Variants in ALPK3 observed in about 807,000 individuals in gnomAD.
The protein encoded by ALPK3 is alpha-protein kinase 3.
In ALPK3, 102 loss-of-function variants were observed where a neutral mutation model predicts 140.0. The observed-to-expected ratio is 0.73, with a 90% CI of 0.62 to 0.86. The LOEUF is 0.86. Ranked by LOEUF, ALPK3 falls within the 40% of genes least tolerant of loss-of-function variation. The probability of loss-of-function intolerance (pLI) is 0.00; values close to 1 mark genes in which losing one functional copy is unlikely to be tolerated. For missense variants in ALPK3, 2,254 were observed against 2,208.2 expected (o/e 1.02, Z -0.42); for synonymous variants, 938 against 898.5 (o/e 1.04, Z -0.79).
At position 84,840,352 on chromosome 15, in the gene ALPK3, AG is replaced by A; in HGVS notation, c.1077del (p.Val361TrpfsTer55). 6 of 1,613,640 alleles carry A rather than the reference AG, an allele frequency of 3.7e-6. No homozygotes were observed. The highest frequency in any genetic ancestry group is 5.1e-6 in the Non-Finnish European group (6 of 1,179,832). On this transcript the variant is annotated frameshift_variant, in exon 5 of 14. Coordinates refer to ENST00000258888, the MANE Select transcript of ALPK3 (RefSeq NM_020778.5). LOFTEE classifies it high-confidence loss of function. ...SSDEPDSCGTQGPVGVEQVQT... is the reference protein window; with the variant it reads ...SSDEPDSCGTXGPVGVEQVQT... ...GACGAGCCTGACTCCTGTGGGACTC[AG>A]GGGCCCGTGGGCGTGGAGCAGGTTC...
In ALPK3 at chr15:84,827,572, G is replaced by A. The variant is rs144797313; in HGVS notation, c.271G>A (p.Asp91Asn). The A allele has an allele frequency of 1.2e-6, 2 of 1,614,196 alleles. No individual in the cohort carries two copies. Among genetic ancestry groups the A allele is most frequent in the Non-Finnish European group, 1.7e-6 (2 of 1,180,044 alleles). ...GCTCAAGTCCCGGTCTGTGTCCGAG[G>A]ACAGCGACGTCAGGTTCACCTGCAT... ...TTLKSRSVSE[D>N]SDVRFTCIVT... is the part of the protein sequence containing the mutation. Residue 91 changes from aspartate to asparagine, a missense_variant, in exon 3 of 14, where the codon GAC becomes AAC. Physicochemically the swap from Asp to Asn is conservative, Grantham distance 23 (BLOSUM62 1). This residue lies in a region of ALPK3 where 2,088 missense variants were observed against 2,022.9 expected (regional missense o/e 1.03). Coordinates refer to ENST00000258888, the MANE Select transcript of ALPK3 (RefSeq NM_020778.5).
At chr15:84,867,482 A>G in intron 13 of ALPK3, 117 bp downstream of exon 13, 3 of 1,164,776 alleles carry the variant, frequency 2.6e-6, no homozygotes, top group Non-Finnish European at 3.8e-6. Context: ...GTGGTCCCAG[A>G]CACACCCATG....
In ALPK3 at chr15:84,825,333, C is replaced by T. The variant is rs530784642; in HGVS notation, c.182+1965C>T. On this transcript the variant is annotated intron_variant, in intron 2 of 13. Coordinates refer to ENST00000258888, the MANE Select transcript of ALPK3 (RefSeq NM_020778.5). ...CTGGGACTACAGGCGCCTGCCACCA[C>T]GCCTGGCTAATTTTTGTATTTTTAG... Among the ~76,000 whole-genome samples the T allele has an allele frequency of 9.9e-5, 15 of 152,080 alleles. No individual in the cohort carries two copies. The East Asian group carries it at 1.4e-3, about 14-fold the overall frequency.
At chr15:84,827,137 C>T (rs544559876) in intron 2 of ALPK3, among the ~76,000 whole-genome samples, 17 of 152,332 alleles carry the variant, frequency 1.1e-4, no homozygotes, top group Admixed American at 9.1e-4. Context: ...CTCCCTCATG[C>T]ACCAGTGTCC....
chr15:84,833,503 A>T (rs577376822), intron 3 of ALPK3, among the ~76,000 whole-genome samples: 2 of 152,324 alleles, frequency 1.3e-5, no homozygotes, highest in South Asian at 4.1e-4. Flanking sequence ...TGGAAGGTGG[A>T]TGGATCTCTG....
rs117685335 is a variant in ALPK3 at position 84,829,874 on chromosome 15, A to C, written c.304+2269A>C. 3.3e-5 allele frequency among the ~76,000 whole-genome samples: 5 copies of C among 152,296 alleles called. No individual in the cohort carries two copies. The East Asian group carries it at 9.6e-4, about 29-fold the overall frequency. On this transcript the variant is annotated intron_variant, in intron 3 of 13. Coordinates refer to ENST00000258888, the MANE Select transcript of ALPK3 (RefSeq NM_020778.5). ...GCTCATGCTGGGGCTTATTGTGTTG[A>C]CTGTATAGTCCGGATGGTTGCTGTG...
Position 84,869,685 on chromosome 15 carries a change from T to C in ALPK3, c.*1229T>C, listed in dbSNP as rs1241961599. On this transcript the variant is annotated 3_prime_UTR_variant, in exon 14 of 14. Coordinates refer to ENST00000258888, the MANE Select transcript of ALPK3 (RefSeq NM_020778.5). ...GAGCATCCCTCCTGGAGGCCTGGGA[T>C]GGGGTAGGTCTGCAGCTAGCCTACT... 9 of 152,664 alleles carry C rather than the reference T, an allele frequency of 5.9e-5. No individual in the cohort carries two copies. Among genetic ancestry groups the C allele is most frequent in the Admixed American group, 5.9e-4 (9 of 15,286 alleles). 9.5% of individuals were successfully genotyped at this position (152,664 alleles called of 1,614,324 possible).
At chr15:84,826,062 C>T (rs1425475608) in intron 2 of ALPK3, among the ~76,000 whole-genome samples, 2 of 152,132 alleles carry the variant, frequency 1.3e-5, no homozygotes, top group Admixed American at 1.3e-4. Flanking sequence ...CTTGTCAACT[C>T]CATGAATGCC....
rs71453270 is a variant in ALPK3 at position 84,833,957 on chromosome 15, TTGTG to T, written c.305-4995_305-4992del. On this transcript the variant is annotated intron_variant, in intron 3 of 13. Coordinates refer to ENST00000258888, the MANE Select transcript of ALPK3 (RefSeq NM_020778.5). ...CCTCAGCTCTGTTGTAGATTCTGTGTTGTGTGTGTGTGTGTGTGTGTGTGTGTGT... is the reference window on the plus strand; with the variant it reads ...CCTCAGCTCTGTTGTAGATTCTGTGTTGTGTGTGTGTGTGTGTGTGTGTGT... Among the ~76,000 whole-genome samples the T allele has an allele frequency of 4.8e-4, 71 of 147,318 alleles. 1 individual carries two copies. Among genetic ancestry groups the T allele is most frequent in the Admixed American group, 2.4e-3 (36 of 14,840 alleles).
Position 84,840,906 on chromosome 15 carries a change from C to A in ALPK3, c.1627C>A (p.Gln543Lys), listed in dbSNP as rs754240880. The A allele has an allele frequency of 1.2e-6, 2 of 1,607,468 alleles. No individual in the cohort carries two copies. Among genetic ancestry groups the A allele is most frequent in the Admixed American group, 3.4e-5 (2 of 58,758 alleles). The change falls in exon 5 of 14, where the codon CAA (glutamine) becomes AAA (lysine). Residue 543 changes from glutamine to lysine, a missense_variant. By Grantham distance (53) the Gln-to-Lys change is moderately conservative. Transcript: ENST00000258888. ...CACCCGGGACAGCACGTTGCAGGGG[C>A]AAGCAGGCCACAGGACTCCAGGAGA... ...HGTRDSTLQG[Q>K]AGHRTPGEVL...
At chr15:84,840,991 C>G in intron 5 of ALPK3, 59 bp downstream of exon 5, 1 of 1,491,134 alleles carries the variant, frequency 6.7e-7, no homozygotes, top group Admixed American at 2.4e-5. Context: ...CATGGAAACT[C>G]TTGCTGCAAC....
chr15:84,820,426 C>T (rs1289582727), intron 1 of ALPK3, among the ~76,000 whole-genome samples: 1 of 152,120 alleles, frequency 6.6e-6, no homozygotes, highest in Non-Finnish European at 1.5e-5. Flanking sequence ...CCCCAGCTTT[C>T]GTGGTCAGTT....
intron 1 of ALPK3, among the ~76,000 whole-genome samples, chr15:84,819,609 G>A (rs2141543637): frequency 6.6e-6 from 1 of 152,344 alleles, no homozygotes; most frequent in Non-Finnish European, 1.5e-5. Context: ...CTGCCTGTGG[G>A]GGTGGGGAGA....
chr15:84,841,860 T>C (rs992692936), intron 5 of ALPK3, among the ~76,000 whole-genome samples: 1 of 152,178 alleles, frequency 6.6e-6, no homozygotes, highest in African/African-American at 2.4e-5. Context: ...GAGTGTTTTA[T>C]AGTGGGACAG....
In ALPK3 at chr15:84,862,886, G is replaced by C. The variant is rs143835594; in HGVS notation, c.4381G>C (p.Val1461Leu). The C allele has an allele frequency of 1.6e-5, 26 of 1,614,066 alleles. No individual in the cohort carries two copies. In the African/African-American group the frequency reaches 3.3e-4, roughly 21 times the overall value. ...VFGPSSETSL[V>L]GRNYDVTIQG... is the part of the protein sequence containing the mutation. ...TGGGCCCAGCAGTGAGACTTCTCTTGTGGGCAGAAACTACGACGTCACCAT... is the reference window on the plus strand; with the variant it reads ...TGGGCCCAGCAGTGAGACTTCTCTTCTGGGCAGAAACTACGACGTCACCAT... Residue 1461 changes from valine to leucine, a missense_variant, in exon 10 of 14, where the codon GTG becomes CTG. By Grantham distance (32) the Val-to-Leu change is conservative. This residue lies in a region of ALPK3 where 2,088 missense variants were observed against 2,022.9 expected (regional missense o/e 1.03). Coordinates refer to ENST00000258888, the MANE Select transcript of ALPK3 (RefSeq NM_020778.5).
At chr15:84,847,007 C>A (rs1380752217) in intron 5 of ALPK3, among the ~76,000 whole-genome samples, 2 of 152,052 alleles carry the variant, frequency 1.3e-5, no homozygotes, top group Admixed American at 1.3e-4. Context: ...TCAGGTGATC[C>A]ACTCACCTCA....
At position 84,856,919 on chromosome 15, in the gene ALPK3, G is replaced by C. The variant is rs56191073; in HGVS notation, c.2181G>C (p.Glu727Asp). ...PTAMEGQSEQ[E>D]VATSLGPPSR... ...CCATGGAAGGTCAGTCTGAGCAAGA[G>C]GTGGCAACCAGCCTCGGCCCACCAT... is the stretch of plus-strand genomic sequence containing the variant. Residue 727 changes from glutamate (E) to aspartate (D), a missense_variant, in exon 6 of 14, where the codon GAG (glutamate) becomes GAC (aspartate). Glu to Asp is a conservative substitution (Grantham distance 45). Coordinates refer to ENST00000258888, the MANE Select transcript of ALPK3 (RefSeq NM_020778.5). 98 of 1,614,060 alleles carry C rather than the reference G, an allele frequency of 6.1e-5. 1 individual carries two copies. The East Asian group carries it at 1.5e-3, about 24-fold the overall frequency.
rs567288782 is a variant in ALPK3 at position 84,869,498 on chromosome 15, G to A, written c.*1042G>A. ...CCTTCCCCATGGGGAGTACACTTGGGTGTTCTAGGAGGGATGCAGTCTATC... is the reference window on the plus strand; with the variant it reads ...CCTTCCCCATGGGGAGTACACTTGGATGTTCTAGGAGGGATGCAGTCTATC... On this transcript the variant is annotated 3_prime_UTR_variant, in exon 14 of 14. Transcript: ENST00000258888. The A allele has an allele frequency of 2.6e-5, 4 of 152,350 alleles. No individual in the cohort carries two copies. The highest frequency in any genetic ancestry group is 1.9e-4 in the East Asian group (1 of 5,180). The allele number at this position is 152,350 out of a possible 1,614,324, so 9.4% of individuals were successfully genotyped here.
chr15:84,858,366 C>T lies in ALPK3; in HGVS notation c.3628C>T (p.Arg1210Trp), dbSNP rs55752937. The T allele has an allele frequency of 0.013, 19,484 of 1,554,078 alleles. 229 individuals are homozygous for T. The highest frequency in any genetic ancestry group is 0.055 in the African/African-American group (4,005 of 73,448). Reference sequence around the variant, plus strand: ...GCCTGGGTCCCCAGGGACTCCAGGGCGGGAGAGACGCTCCCCTACGCAGGG... The same window carrying T: ...GCCTGGGTCCCCAGGGACTCCAGGGTGGGAGAGACGCTCCCCTACGCAGGG... ...LVPGSPGTPG[R>W]ERRSPTQGRK... Residue 1210 changes from arginine to tryptophan, a missense_variant, in exon 6 of 14, where the codon CGG (arginine) becomes TGG (tryptophan). Arg to Trp is a moderately radical substitution (Grantham distance 101). Transcript: ENST00000258888.
Sources: gnomAD v4.1 joint callset for allele counts (sites outside exome capture counted in the v4.1 genomes callset) on GRCh38, gnomAD v4.1.1 for gene constraint, gnomAD v4.1.1 regional missense constraint, MANE v1.5 for transcripts, NCBI Gene and HGNC (gene_info 2026-07-23, HGNC 2026-07-21) for gene names.